The following CDH13 variants were observed in gnomAD, a reference collection of about 807,000 sequenced individuals.
CDH13 encodes the protein cadherin-13.
A neutral mutation model predicts 63.8 loss-of-function variants in CDH13; 24 were observed. The ratio of observed to expected loss-of-function variants is 0.38; its 90% CI spans 0.27 to 0.53. The LOEUF is 0.53. CDH13 is among the 20% of genes least tolerant of loss of function. CDH13 has a pLI of 0.85. For synonymous variants in CDH13, 503 were observed against 355.3 expected (o/e 1.42, Z -4.67); for missense variants, 1,049 against 903.1 (o/e 1.16, Z -2.07).
intron 2 of CDH13, among the ~76,000 whole-genome samples, chr16:82,944,739 C>A (rs938058369): frequency 6.6e-6 from 1 of 152,042 alleles, no homozygotes; most frequent in Non-Finnish European, 1.5e-5. Context: ...TCTTCATAGG[C>A]CCTTGTGAAT....
chr16:82,860,174 T>G (rs915294672), intron 2 of CDH13, among the ~76,000 whole-genome samples: 1 of 152,114 alleles, frequency 6.6e-6, no homozygotes, highest in Non-Finnish European at 1.5e-5. Context: ...TATGTTAACA[T>G]GCTTGGAAAT....
intron 2 of CDH13, among the ~76,000 whole-genome samples, chr16:82,988,554 G>A (rs1179532399): frequency 6.6e-6 from 1 of 152,084 alleles, no homozygotes; most frequent in Non-Finnish European, 1.5e-5. Context: ...CTGAGGTCAG[G>A]AGTTCGAGAC....
chr16:83,570,614 C>G (rs1300463300), intron 7 of CDH13, among the ~76,000 whole-genome samples: 2 of 151,216 alleles, frequency 1.3e-5, no homozygotes, highest in Non-Finnish European at 1.5e-5. Context: ...GGCTGGGGAG[C>G]TCAACAGCAG....
intron 1 of CDH13, among the ~76,000 whole-genome samples, chr16:82,808,265 T>C (rs2037257195): frequency 6.6e-6 from 1 of 152,238 alleles, no homozygotes; most frequent in South Asian, 2.1e-4. Context: ...GCTTTTGTTC[T>C]CTTTGAAATA....
At position 83,445,259 on chromosome 16, in the gene CDH13, A is replaced by G. The variant is rs762075029; in HGVS notation, c.782-41218A>G. On this transcript the variant is annotated intron_variant, in intron 6 of 13. Transcript: ENST00000567109. ...TTTATAATTTATAAAAGCTTTTATA[A>G]TTTATAAAAGCTTTTATAATTTATA... is the stretch of plus-strand genomic sequence containing the variant. Among the ~76,000 whole-genome samples, 2 of 72,188 alleles carry G rather than the reference A, an allele frequency of 2.8e-5. 1 individual carries two copies. 47.4% of individuals were successfully genotyped at this position (72,188 alleles called of 152,430 possible).
intron 1 of CDH13, among the ~76,000 whole-genome samples, chr16:82,703,109 A>G (rs1367778398): frequency 1.3e-5 from 2 of 151,838 alleles, no homozygotes; most frequent in Non-Finnish European, 2.9e-5. Flanking sequence ...GTTTTGTTCC[A>G]CTTATATAAA....
chr16:82,695,747 T>G (rs1214309759), intron 1 of CDH13, among the ~76,000 whole-genome samples: 3 of 152,176 alleles, frequency 2.0e-5, no homozygotes, highest in Non-Finnish European at 4.4e-5. Context: ...CAGCAGGAGA[T>G]TTGAACACAA....
intron 1 of CDH13, among the ~76,000 whole-genome samples, chr16:82,757,764 T>C (rs1265947856): frequency 1.3e-5 from 2 of 151,958 alleles, no homozygotes; most frequent in African/African-American, 4.8e-5. Flanking sequence ...GGCTCAGCTT[T>C]CGGAGTAGCT....
chr16:83,620,795 G>A (rs1909741858), intron 8 of CDH13, among the ~76,000 whole-genome samples: 1 of 152,150 alleles, frequency 6.6e-6, no homozygotes, highest in African/African-American at 2.4e-5. Flanking sequence ...CTTTTCCCTT[G>A]CAAACTCAAA....
At chr16:83,537,647 A>G (rs368536934) in intron 7 of CDH13, among the ~76,000 whole-genome samples, 1 of 31,752 alleles carries the variant, frequency 3.1e-5, no homozygotes, top group African/African-American at 1.1e-4. Context: ...GTTCTACAGG[A>G]AAAAAAAAGT....
In CDH13 at chr16:83,576,812, G is replaced by A. The variant is rs902699282; in HGVS notation, c.961-25642G>A. Among the ~76,000 whole-genome samples the A allele has an allele frequency of 2.0e-5, 3 of 152,158 alleles. No homozygotes were observed. The East Asian group carries it at 5.8e-4, about 29-fold the overall frequency. ...ATTGGCCATTTGTATATCTTCTTTG[G>A]AGAAATGTTGATTCAAGTATTTTGC... is the stretch of plus-strand genomic sequence containing the variant. On this transcript the variant is annotated intron_variant, in intron 7 of 13. Coordinates refer to ENST00000567109, the MANE Select transcript of CDH13 (RefSeq NM_001257.5).
intron 6 of CDH13, among the ~76,000 whole-genome samples, chr16:83,361,250 C>T (rs1283139399): frequency 6.6e-6 from 1 of 152,140 alleles, no homozygotes; most frequent in Admixed American, 6.6e-5. Flanking sequence ...AGTGTCTGTT[C>T]ATGCCTTTGC....
intron 1 of CDH13, among the ~76,000 whole-genome samples, chr16:82,838,788 G>A (rs2038879491): frequency 6.6e-6 from 1 of 152,114 alleles, no homozygotes; most frequent in African/African-American, 2.4e-5. Context: ...AAGTGTGATG[G>A]GTCACTTCAC....
intron 5 of CDH13, among the ~76,000 whole-genome samples, chr16:83,281,912 C>CTAAA (rs1378592111): frequency 7.2e-5 from 11 of 152,080 alleles, no homozygotes; most frequent in South Asian, 2.1e-4. Context: ...GACTCCGTTT[C>CTAAA]TAAATAAATA....
intron 1 of CDH13, among the ~76,000 whole-genome samples, chr16:82,665,244 G>C (rs191371580): frequency 6.6e-6 from 1 of 152,272 alleles, no homozygotes; most frequent in Non-Finnish European, 1.5e-5. Flanking sequence ...ACTGCAGAGT[G>C]CTCTCTAGTG....
intron 6 of CDH13, among the ~76,000 whole-genome samples, chr16:83,366,166 C>G (rs1273739987): frequency 6.6e-6 from 1 of 152,096 alleles, no homozygotes; most frequent in African/African-American, 2.4e-5. Flanking sequence ...TTTAAAAAAG[C>G]ACACACATTC....
At chr16:83,173,480 C>G (rs770324108) in intron 4 of CDH13, among the ~76,000 whole-genome samples, 1 of 152,004 alleles carries the variant, frequency 6.6e-6, no homozygotes, top group African/African-American at 2.4e-5. Context: ...TCTCTTGGGA[C>G]TGGTGTTTCT....
At chr16:83,085,570 C>G (rs143504085) in intron 3 of CDH13, among the ~76,000 whole-genome samples, 1 of 152,334 alleles carries the variant, frequency 6.6e-6, no homozygotes, top group African/African-American at 2.4e-5. Context: ...CTGTTTGTCT[C>G]TCATAGGCCA....
At chr16:83,034,812 A>T (rs941383186) in intron 3 of CDH13, among the ~76,000 whole-genome samples, 1 of 152,202 alleles carries the variant, frequency 6.6e-6, no homozygotes, top group African/African-American at 2.4e-5. Context: ...TCAGCCACGC[A>T]TTGTTTGTAC....
Sources: gnomAD v4.1 joint callset for allele counts (sites outside exome capture counted in the v4.1 genomes callset) on GRCh38, gnomAD v4.1.1 for gene constraint, MANE v1.5 for transcripts, NCBI Gene and HGNC (gene_info 2026-07-23, HGNC 2026-07-21) for gene names.